RARB: variants seen among roughly 807,000 people sequenced by gnomAD.
RARB encodes retinoic acid receptor beta, also known as HBV-activated protein.
A neutral mutation model predicts 51.9 loss-of-function variants in RARB; 17 were observed. The observed-to-expected ratio is 0.33, with a 90% CI of 0.22 to 0.49. The LOEUF is 0.49. Among genes scored for constraint, RARB ranks in the 20% least tolerant of loss-of-function variants. The pLI is 0.99. For missense variants in RARB, 369 were observed against 550.8 expected (o/e 0.67, Z 3.30); for synonymous variants, 215 against 195.4 (o/e 1.10, Z -0.84).
intron 2 of RARB, among the ~76,000 whole-genome samples, chr3:25,057,858 C>T (rs973481899): frequency 3.3e-5 from 5 of 151,774 alleles, no homozygotes; most frequent in African/African-American, 9.7e-5. Flanking sequence ...ATAAAGTCTT[C>T]TAAAAGAGCT....
intron 5 of RARB, among the ~76,000 whole-genome samples, chr3:25,203,381 A>C (rs973735323): frequency 2.6e-5 from 4 of 152,164 alleles, no homozygotes; most frequent in Non-Finnish European, 5.9e-5. Context: ...TTGACTCTTT[A>C]TCCAATTTGC....
chr3:25,247,746 G>A (rs1018135988), intron 5 of RARB, among the ~76,000 whole-genome samples: 2 of 152,216 alleles, frequency 1.3e-5, no homozygotes, highest in Non-Finnish European at 2.9e-5. Flanking sequence ...GGGAGCTGCA[G>A]ATGGGAGCTG....
rs1200047511 is a variant in RARB, at chr3:24,832,700, A to C, written c.-459+3297A>C. ...TAAAATGAGAAAACAGTTATGTGGG[A>C]AAATAAATGCAATAACATATGAGAA... is the stretch of plus-strand genomic sequence containing the variant. On this transcript the variant is annotated intron_variant, in intron 1 of 11. Coordinates refer to the RARB transcript ENST00000383772. Among the ~76,000 whole-genome samples, 4 of 146,974 alleles carry C rather than the reference A, an allele frequency of 2.7e-5. No individual in the cohort carries two copies. The East Asian group carries it at 8.0e-4, about 30-fold the overall frequency.
At chr3:25,031,815 C>G (rs1697882166) in intron 2 of RARB, among the ~76,000 whole-genome samples, 1 of 152,156 alleles carries the variant, frequency 6.6e-6, no homozygotes, top group South Asian at 2.1e-4. Context: ...ATATACTTAT[C>G]CCAACCAGTT....
intron 3 of RARB, among the ~76,000 whole-genome samples, chr3:25,100,495 T>C (rs1056401377): frequency 6.6e-6 from 1 of 152,166 alleles, no homozygotes; most frequent in Non-Finnish European, 1.5e-5. Flanking sequence ...AAGCTCAGAA[T>C]AATAGAGCCT....
At chr3:24,868,448 C>T (rs754052489) in intron 2 of RARB, among the ~76,000 whole-genome samples, 19 of 151,882 alleles carry the variant, frequency 1.3e-4, no homozygotes, top group Non-Finnish European at 2.1e-4. Context: ...TTTTGTGAAA[C>T]GAGAACTCAA....
At chr3:25,043,655 T>G (rs1476042691) in intron 2 of RARB, among the ~76,000 whole-genome samples, 1 of 152,166 alleles carries the variant, frequency 6.6e-6, no homozygotes, top group Non-Finnish European at 1.5e-5. Context: ...TAAAGGATAC[T>G]ATTTATAATT....
intron 2 of RARB, among the ~76,000 whole-genome samples, chr3:25,028,919 A>G (rs1697810219): frequency 6.6e-6 from 1 of 151,946 alleles, no homozygotes; most frequent in Non-Finnish European, 1.5e-5. Flanking sequence ...CTCCAACTCC[A>G]CCCCACCCCT....
At chr3:25,200,532 A>C (rs1421795531) in intron 5 of RARB, among the ~76,000 whole-genome samples, 2 of 152,004 alleles carry the variant, frequency 1.3e-5, no homozygotes, top group Non-Finnish European at 2.9e-5. Context: ...CTATGTCCTG[A>C]ATGGTATTGC....
At chr3:24,871,579 C>G (rs1386584653) in intron 2 of RARB, among the ~76,000 whole-genome samples, 1 of 152,172 alleles carries the variant, frequency 6.6e-6, no homozygotes, top group Non-Finnish European at 1.5e-5. Flanking sequence ...CATTTACGTT[C>G]TTGGCTTTTA....
At chr3:25,368,351 T>C (rs1483843) in intron 5 of RARB, among the ~76,000 whole-genome samples, 125,933 of 152,108 alleles carry the variant, frequency 0.83, 52,388 homozygotes, top group East Asian at 0.99. Context: ...GTACAATAGG[T>C]GATGGAGTTG....
intron 5 of RARB, among the ~76,000 whole-genome samples, chr3:25,194,248 G>GGA (rs79231268): frequency 0.94 from 142,772 of 151,614 alleles, 67,236 homozygotes; most frequent in South Asian, 0.97. Flanking sequence ...AGGGTAGGAA[G>GGA]GAGAGAAGGT....
intron 5 of RARB, among the ~76,000 whole-genome samples, chr3:25,279,430 T>G (rs1703469647): frequency 6.6e-6 from 1 of 152,188 alleles, no homozygotes; most frequent in African/African-American, 2.4e-5. Flanking sequence ...ATCATTTGGT[T>G]ACAATTTTAA....
chr3:25,001,161 T>G (rs771939754), intron 2 of RARB, among the ~76,000 whole-genome samples: 1 of 152,074 alleles, frequency 6.6e-6, no homozygotes, highest in African/African-American at 2.4e-5. Context: ...TTAATCATCT[T>G]AAGTAGATGA....
chr3:25,503,244 G>A (rs1172396387), intron 3 of RARB, among the ~76,000 whole-genome samples: 1 of 152,232 alleles, frequency 6.6e-6, no homozygotes, highest in African/African-American at 2.4e-5. Context: ...AGGATAACCT[G>A]AAATAGCCAG....
chr3:25,154,097 T>C (rs1044982969), intron 4 of RARB, among the ~76,000 whole-genome samples: 3 of 152,234 alleles, frequency 2.0e-5, no homozygotes, highest in African/African-American at 7.2e-5. Context: ...ATTATGTGGA[T>C]TTTTAAGAAG....
intron 2 of RARB, among the ~76,000 whole-genome samples, chr3:24,993,088 T>A (rs189010442): frequency 7.0e-4 from 107 of 152,352 alleles, no homozygotes; most frequent in Non-Finnish European, 1.3e-3. Flanking sequence ...GCCAACTCCA[T>A]GGATATTTCC....
rs1708079880 is a variant in RARB, at chr3:25,428,705, T to C, written c.-27T>C. 1.3e-6 allele frequency: 2 copies of C among 1,594,984 alleles called. No individual in the cohort carries two copies. Among genetic ancestry groups the C allele is most frequent in the South Asian group, 1.1e-5 (1 of 89,956 alleles). Reference sequence around the variant, plus strand: ...CTCCACACCTAGAGGATAAGCACTTTTGCAGACATTCAGTGCAAGGGAGAT... The same window carrying C: ...CTCCACACCTAGAGGATAAGCACTTCTGCAGACATTCAGTGCAAGGGAGAT... On this transcript the variant is annotated 5_prime_UTR_variant, in exon 1 of 8. Coordinates refer to ENST00000330688, the MANE Select transcript of RARB (RefSeq NM_000965.5).
intron 4 of RARB, among the ~76,000 whole-genome samples, chr3:25,158,260 T>C (rs898907634): frequency 2.0e-5 from 3 of 152,344 alleles, no homozygotes; most frequent in African/African-American, 7.2e-5. Context: ...TTATATCATA[T>C]AGAAAACCAA....
Sources: gnomAD v4.1 joint callset for allele counts (sites outside exome capture counted in the v4.1 genomes callset) on GRCh38, gnomAD v4.1.1 for gene constraint, MANE v1.5 for transcripts, NCBI Gene and HGNC (gene_info 2026-07-23, HGNC 2026-07-21) for gene names.